CSMD3: variants seen among roughly 807,000 people sequenced by gnomAD.
CSMD3 encodes CUB and Sushi multiple domains 3.
CSMD3 carries 177 observed loss-of-function variants against 435.2 expected under a neutral mutation model. That is an observed-to-expected ratio of 0.41 (90% confidence interval 0.36 to 0.46). The LOEUF (loss-of-function observed/expected upper bound fraction) is 0.46, where lower values mean the gene tolerates loss of function less well. Ranked by LOEUF, CSMD3 falls within the 20% of genes least tolerant of loss-of-function variation. The pLI is 0.34. For synonymous variants in CSMD3, 1,656 were observed against 1,520.5 expected (o/e 1.09, Z -2.07); for missense variants, 4,265 against 4,504.6 (o/e 0.95, Z 1.52).
chr8:113,017,647 G>A (rs2086519158), intron 6 of CSMD3, among the ~76,000 whole-genome samples: 1 of 151,808 alleles, frequency 6.6e-6, no homozygotes, highest in Non-Finnish European at 1.5e-5. Flanking sequence ...CACAGAGTTA[G>A]GTGGATGAAA....
chr8:113,197,179 G>A (rs2092666749), intron 3 of CSMD3, among the ~76,000 whole-genome samples: 1 of 151,224 alleles, frequency 6.6e-6, no homozygotes, highest in Non-Finnish European at 1.5e-5. Flanking sequence ...TATTGTGAGT[G>A]TAGACAAGAT....
intron 59 of CSMD3, among the ~76,000 whole-genome samples, chr8:112,279,616 C>A (rs911760905): frequency 1.3e-5 from 2 of 152,144 alleles, no homozygotes; most frequent in African/African-American, 4.8e-5. Context: ...ATAACACCTA[C>A]TGAAGGAAAC....
chr8:113,396,189 T>C (rs1382804456), intron 1 of CSMD3, among the ~76,000 whole-genome samples: 4 of 152,218 alleles, frequency 2.6e-5, no homozygotes, highest in Admixed American at 1.3e-4. Flanking sequence ...TAGCAAAATA[T>C]GATTCCCATT....
intron 13 of CSMD3, among the ~76,000 whole-genome samples, chr8:112,784,843 G>A (rs2078494906): frequency 6.6e-6 from 1 of 151,892 alleles, no homozygotes; most frequent in African/African-American, 2.4e-5. Context: ...TTAAAGAAGA[G>A]CAAATACTAA....
At chr8:112,397,039 C>T (rs543736800) in intron 35 of CSMD3, among the ~76,000 whole-genome samples, 39 of 152,200 alleles carry the variant, frequency 2.6e-4, no homozygotes, top group Non-Finnish European at 4.7e-4. Flanking sequence ...TTGATATTAA[C>T]GTAAGATAGC....
intron 31 of CSMD3, among the ~76,000 whole-genome samples, chr8:112,478,686 T>C (rs560502837): frequency 6.6e-6 from 1 of 152,162 alleles, no homozygotes; most frequent in East Asian, 1.9e-4. Context: ...CCCAAGAAGA[T>C]AGGGGTGGGT....
At chr8:113,330,641 G>A (rs954410626) in intron 1 of CSMD3, among the ~76,000 whole-genome samples, 41 of 151,946 alleles carry the variant, frequency 2.7e-4, no homozygotes, top group African/African-American at 9.4e-4. Flanking sequence ...TTGAGCTGGA[G>A]TGGCTAACCT....
At chr8:112,763,634 G>T (rs2077899358) in intron 13 of CSMD3, among the ~76,000 whole-genome samples, 1 of 147,200 alleles carries the variant, frequency 6.8e-6, no homozygotes, top group Non-Finnish European at 1.5e-5. Flanking sequence ...TTATTCCTAT[G>T]AAACTATATT....
At chr8:112,529,915 CAA>C (rs1448623178) in intron 27 of CSMD3, among the ~76,000 whole-genome samples, 1 of 151,952 alleles carries the variant, frequency 6.6e-6, no homozygotes, top group Non-Finnish European at 1.5e-5. Flanking sequence ...TCAGAAAGCT[CAA>C]GAGAATCATG....
intron 13 of CSMD3, among the ~76,000 whole-genome samples, chr8:112,740,903 G>A (rs919832257): frequency 2.6e-5 from 4 of 151,890 alleles, no homozygotes; most frequent in Non-Finnish European, 2.9e-5. Flanking sequence ...AAGTATGGAG[G>A]GGAAAATCAC....
chr8:113,397,175 G>A (rs984915720), intron 1 of CSMD3, among the ~76,000 whole-genome samples: 3 of 152,026 alleles, frequency 2.0e-5, no homozygotes, highest in African/African-American at 7.2e-5. Flanking sequence ...TAGCCTAATG[G>A]TAGATTTTAC....
At chr8:112,992,418 G>T (rs542493218) in intron 6 of CSMD3, among the ~76,000 whole-genome samples, 10 of 151,818 alleles carry the variant, frequency 6.6e-5, no homozygotes, top group Non-Finnish European at 1.5e-4. Flanking sequence ...TAAATAGAAG[G>T]CCCTGATTGT....
intron 13 of CSMD3, among the ~76,000 whole-genome samples, chr8:112,707,883 T>C (rs1353285626): frequency 6.6e-6 from 1 of 152,088 alleles, no homozygotes; most frequent in East Asian, 1.9e-4. Context: ...GACTGAAAAA[T>C]AAATTTCAAA....
intron 4 of CSMD3, among the ~76,000 whole-genome samples, chr8:113,121,103 G>A (rs546350829): frequency 6.6e-6 from 1 of 152,122 alleles, no homozygotes; most frequent in South Asian, 2.1e-4. Flanking sequence ...TGTGCCTTAT[G>A]TTTCCAAATC....
chr8:112,691,388 T>C (rs2076134544), intron 13 of CSMD3, among the ~76,000 whole-genome samples: 1 of 152,186 alleles, frequency 6.6e-6, no homozygotes, highest in Admixed American at 6.6e-5. Context: ...TACTAGTCTT[T>C]AGGTTAATTT....
intron 5 of CSMD3, among the ~76,000 whole-genome samples, chr8:113,033,219 G>A (rs1475576646): frequency 6.6e-6 from 1 of 151,614 alleles, no homozygotes; most frequent in Admixed American, 6.6e-5. Context: ...CCACCATCCT[G>A]ACCCCAGAAA....
Position 112,325,056 on chromosome 8 carries a change from A to G in CSMD3, c.7166-5075T>C, listed in dbSNP as rs554418203. Among the ~76,000 whole-genome samples the G allele has an allele frequency of 1.1e-3, 165 of 152,244 alleles. 1 individual carries two copies. The highest frequency in any genetic ancestry group is 4.2e-3 in the Admixed American group (64 of 15,272). On this transcript the variant is annotated intron_variant, in intron 45 of 70. Coordinates refer to ENST00000297405, the MANE Select transcript of CSMD3 (RefSeq NM_198123.2). ...CAGCTTATATTTTTAGCTATAAATA[A>G]TCAAAAAATAGTTTATCTCCTCTAC...
chr8:112,385,224 C>G (rs780301397), intron 36 of CSMD3, among the ~76,000 whole-genome samples: 1 of 152,168 alleles, frequency 6.6e-6, no homozygotes, highest in Non-Finnish European at 1.5e-5. Context: ...ATGGGCATAT[C>G]ATTCAAGGAA....
chr8:113,087,103 CTT>C (rs372334265), intron 5 of CSMD3, among the ~76,000 whole-genome samples: 8 of 152,224 alleles, frequency 5.3e-5, no homozygotes, highest in African/African-American at 1.7e-4. Flanking sequence ...CCAAATTTCT[CTT>C]TGACTACTCT....
Sources: gnomAD v4.1 joint callset for allele counts (sites outside exome capture counted in the v4.1 genomes callset) on GRCh38, gnomAD v4.1.1 for gene constraint, MANE v1.5 for transcripts, NCBI Gene and HGNC (gene_info 2026-07-23, HGNC 2026-07-21) for gene names.